Variants in NRXN3 observed in about 807,000 individuals in gnomAD.
NRXN3 encodes neurexin III.
In NRXN3, 32 loss-of-function variants were observed where a neutral mutation model predicts 137.6. The observed-to-expected ratio is 0.23, with a 90% CI of 0.18 to 0.31. The LOEUF (loss-of-function observed/expected upper bound fraction) is 0.31. Ranked by LOEUF, NRXN3 falls within the 10% of genes least tolerant of loss-of-function variation. NRXN3 has a pLI of 1.00. For missense variants in NRXN3, 1,574 were observed against 2,062.5 expected (o/e 0.76, Z 4.59); for synonymous variants, 798 against 784.5 (o/e 1.02, Z -0.29).
intron 4 of NRXN3, among the ~76,000 whole-genome samples, chr14:78,519,263 T>C: frequency 6.6e-6 from 1 of 152,122 alleles, no homozygotes; most frequent in Non-Finnish European, 1.5e-5. Context: ...AACCGAGGTA[T>C]CTCTCTACCC....
chr14:78,233,209 G>A lies in NRXN3; in HGVS notation c.-703-9182G>A, dbSNP rs539645162. On this transcript the variant is annotated intron_variant, in intron 1 of 20. Coordinates refer to ENST00000335750, the MANE Select transcript of NRXN3 (RefSeq NM_001330195.2). ...GCACATCCTGGAAGGTGTATTCATT[G>A]TTCTTCCCAATTTATAGGAGAAGAA... Among the ~76,000 whole-genome samples, 9 of 152,326 alleles carry A rather than the reference G, an allele frequency of 5.9e-5. No individual in the cohort carries two copies. In the East Asian group the frequency reaches 1.7e-3, roughly 29 times the overall value.
At chr14:78,997,152 G>A (rs1475825858) in intron 15 of NRXN3, among the ~76,000 whole-genome samples, 1 of 152,138 alleles carries the variant, frequency 6.6e-6, no homozygotes, top group Non-Finnish European at 1.5e-5. Context: ...AATAAGCTGG[G>A]ACTCATAGGT....
chr14:79,162,674 G>T (rs2060905382), intron 15 of NRXN3, among the ~76,000 whole-genome samples: 2 of 151,850 alleles, frequency 1.3e-5, no homozygotes, highest in Non-Finnish European at 2.9e-5. Flanking sequence ...AGTTAGAATG[G>T]CAATCATTAA....
chr14:78,428,083 C>G (rs923401014), intron 4 of NRXN3, among the ~76,000 whole-genome samples: 2 of 152,172 alleles, frequency 1.3e-5, no homozygotes, highest in Non-Finnish European at 2.9e-5. Context: ...AAGATAATAT[C>G]TACTTTACAG....
intron 15 of NRXN3, among the ~76,000 whole-genome samples, chr14:79,264,738 T>A (rs1358564920): frequency 6.6e-6 from 1 of 152,054 alleles, no homozygotes; most frequent in Non-Finnish European, 1.5e-5. Flanking sequence ...CTGTAACAAA[T>A]CCCAAACTGA....
At chr14:78,973,143 G>C (rs1033289989) in intron 14 of NRXN3, among the ~76,000 whole-genome samples, 1 of 152,122 alleles carries the variant, frequency 6.6e-6, no homozygotes, top group Non-Finnish European at 1.5e-5. Context: ...TTCCATTTTG[G>C]GGGGTACCAA....
intron 8 of NRXN3, among the ~76,000 whole-genome samples, chr14:78,719,567 A>T (rs8008442): frequency 6.6e-6 from 1 of 152,326 alleles, no homozygotes; most frequent in Admixed American, 6.5e-5. Flanking sequence ...AGAGGCCAGG[A>T]GTGGTGGCTC....
At chr14:78,394,891 G>A (rs1483544108) in intron 4 of NRXN3, among the ~76,000 whole-genome samples, 1 of 151,572 alleles carries the variant, frequency 6.6e-6, no homozygotes, top group Non-Finnish European at 1.5e-5. Context: ...TTATCCTTTT[G>A]ATATGTTCGG....
At chr14:78,228,812 T>C (rs1005968473) in intron 1 of NRXN3, among the ~76,000 whole-genome samples, 39 of 152,160 alleles carry the variant, frequency 2.6e-4, no homozygotes, top group African/African-American at 9.2e-4. Flanking sequence ...TGAAATGTAC[T>C]ACAGGGGAAT....
chr14:79,537,775 A>G (rs1487454986), intron 16 of NRXN3, among the ~76,000 whole-genome samples: 2 of 152,206 alleles, frequency 1.3e-5, no homozygotes, highest in African/African-American at 4.8e-5. Flanking sequence ...TCTTTATAGC[A>G]CCATGATTTA....
intron 4 of NRXN3, among the ~76,000 whole-genome samples, chr14:78,632,932 C>A (rs909810616): frequency 1.1e-4 from 16 of 151,930 alleles, no homozygotes; most frequent in Non-Finnish European, 1.9e-4. Flanking sequence ...TCTTCTGATG[C>A]TTAAAAAGAC....
intron 15 of NRXN3, among the ~76,000 whole-genome samples, chr14:79,205,923 A>G (rs1030250707): frequency 3.3e-5 from 5 of 152,138 alleles, no homozygotes. Flanking sequence ...TGAATATACA[A>G]ATTTTGGTAC....
chr14:78,569,215 C>T (rs1440917852), intron 4 of NRXN3, among the ~76,000 whole-genome samples: 24 of 150,474 alleles, frequency 1.6e-4, no homozygotes, highest in African/African-American at 5.9e-4. Flanking sequence ...GTGATCTTCC[C>T]GCCTCGGCCT....
At chr14:78,900,779 A>T (rs2099193391) in intron 10 of NRXN3, among the ~76,000 whole-genome samples, 1 of 152,068 alleles carries the variant, frequency 6.6e-6, no homozygotes, top group Non-Finnish European at 1.5e-5. Flanking sequence ...GGGTAAAATT[A>T]TCTATTCTTG....
intron 15 of NRXN3, among the ~76,000 whole-genome samples, chr14:79,082,486 T>C (rs1808281078): frequency 6.6e-6 from 1 of 151,598 alleles, no homozygotes; most frequent in African/African-American, 2.4e-5. Context: ...CTCAGAATCA[T>C]AGCACCAAAA....
At chr14:79,352,818 A>G (rs1462503472) in intron 15 of NRXN3, among the ~76,000 whole-genome samples, 1 of 152,090 alleles carries the variant, frequency 6.6e-6, no homozygotes, top group African/African-American at 2.4e-5. Context: ...TAAGGATGAG[A>G]GTGCAGTTAA....
At chr14:78,654,841 A>T (rs1243701143) in intron 6 of NRXN3, among the ~76,000 whole-genome samples, 1 of 152,196 alleles carries the variant, frequency 6.6e-6, no homozygotes, top group Non-Finnish European at 1.5e-5. Flanking sequence ...ATGATTGTAC[A>T]TTAATAAATA....
chr14:79,046,224 T>C (rs1595341968), intron 15 of NRXN3, among the ~76,000 whole-genome samples: 1 of 152,270 alleles, frequency 6.6e-6, no homozygotes, highest in East Asian at 1.9e-4. Context: ...CCTTTCCTTC[T>C]AGATCTGACA....
At chr14:78,267,069 C>A (rs910268927) in intron 2 of NRXN3, among the ~76,000 whole-genome samples, 1 of 152,150 alleles carries the variant, frequency 6.6e-6, no homozygotes, top group Admixed American at 6.5e-5. Flanking sequence ...TCTTTCTATC[C>A]CAGGCCCATG....
Sources: allele counts gnomAD v4.1 joint callset (sites outside exome capture counted in the v4.1 genomes callset), GRCh38; gene constraint gnomAD v4.1.1; transcripts MANE v1.5; gene names NCBI Gene and HGNC (gene_info 2026-07-23, HGNC 2026-07-21).